COL22A1: variants seen among roughly 807,000 people sequenced by gnomAD.
COL22A1 encodes the protein collagen alpha-1(XXII) chain.
A neutral mutation model predicts 248.9 loss-of-function variants in COL22A1; 221 were observed. The ratio of observed to expected loss-of-function variants is 0.89; its 90% CI spans 0.80 to 0.99. The LOEUF is 0.99. COL22A1 is among the 50% of genes least tolerant of loss of function. COL22A1 has a pLI of 0.00. For missense variants in COL22A1, 2,240 were observed against 2,179.0 expected (o/e 1.03, Z -0.56); for synonymous variants, 891 against 793.4 (o/e 1.12, Z -2.07).
intron 63 of COL22A1, among the ~76,000 whole-genome samples, chr8:138,593,350 G>A (rs556063744): frequency 2.0e-5 from 3 of 151,900 alleles, no homozygotes; most frequent in Non-Finnish European, 2.9e-5. Context: ...AAACCTGCAC[G>A]TTCAGCACAT....
chr8:138,836,428 C>T (rs920036433), intron 4 of COL22A1, among the ~76,000 whole-genome samples: 3 of 152,212 alleles, frequency 2.0e-5, no homozygotes, highest in Non-Finnish European at 4.4e-5. Flanking sequence ...TAGACATTCA[C>T]GTCTTGGAAA....
chr8:138,839,228 G>A (rs1481387563), intron 4 of COL22A1, among the ~76,000 whole-genome samples: 3 of 152,196 alleles, frequency 2.0e-5, no homozygotes, highest in Non-Finnish European at 4.4e-5. Flanking sequence ...CCTCCTATGT[G>A]TTAGATGCTG....
rs1563781196 is a variant in COL22A1, at chr8:138,802,868, TCAC to T, written c.1557+1_1557+3del. ...GCCATGTAGAGGAGCAGCCATCTAC[TCAC>T]CACATCACCTTTCTCTCCCTTAGGT... On this transcript the variant is annotated splice_donor_variant and splice_donor_region_variant and intron_variant, in intron 11 of 64. Coordinates refer to ENST00000303045, the MANE Select transcript of COL22A1 (RefSeq NM_152888.3). LOFTEE classifies it high-confidence loss of function. 7 of 1,612,548 alleles carry T rather than the reference TCAC, an allele frequency of 4.3e-6. No individual in the cohort carries two copies. Among genetic ancestry groups the T allele is most frequent in the Non-Finnish European group, 5.9e-6 (7 of 1,178,606 alleles).
chr8:138,790,225 T>C (rs1290282639), intron 12 of COL22A1, among the ~76,000 whole-genome samples: 1 of 152,236 alleles, frequency 6.6e-6, no homozygotes, highest in African/African-American at 2.4e-5. Flanking sequence ...TAGATGGCTG[T>C]CTTTTCACGG....
intron 4 of COL22A1, among the ~76,000 whole-genome samples, chr8:138,839,844 G>T (rs1820742425): frequency 6.6e-6 from 1 of 152,178 alleles, no homozygotes; most frequent in African/African-American, 2.4e-5. Flanking sequence ...GCTTTTATTG[G>T]CTAGAATTTG....
chr8:138,639,831 A>AAGCC (rs1442372015), intron 47 of COL22A1, among the ~76,000 whole-genome samples: 2 of 152,224 alleles, frequency 1.3e-5, no homozygotes, highest in Non-Finnish European at 2.9e-5. Context: ...GAAACAGTAG[A>AAGCC]AGCCCAACTT....
intron 48 of COL22A1, among the ~76,000 whole-genome samples, chr8:138,635,342 G>A (rs775181746): frequency 5.9e-5 from 9 of 152,140 alleles, no homozygotes; most frequent in Non-Finnish European, 1.2e-4. Flanking sequence ...GAAAACAAGA[G>A]GGGCCATAAT....
chr8:138,630,555 C>T (rs4634647), intron 50 of COL22A1, 140 bp downstream of exon 50: 10 of 724,174 alleles, frequency 1.4e-5, no homozygotes, highest in South Asian at 4.9e-5. Flanking sequence ...AGTTTCATTG[C>T]AAGACTTGTA....
intron 56 of COL22A1, among the ~76,000 whole-genome samples, chr8:138,613,124 T>C (rs1819021278): frequency 1.3e-5 from 2 of 151,832 alleles, no homozygotes; most frequent in South Asian, 4.2e-4. Flanking sequence ...GGTGGGCACC[T>C]GTAGTCCCAG....
At chr8:138,884,072 C>T (rs772599167) in intron 1 of COL22A1, among the ~76,000 whole-genome samples, 24 of 152,126 alleles carry the variant, frequency 1.6e-4, no homozygotes, top group Non-Finnish European at 3.1e-4. Flanking sequence ...CCTCCCTTTG[C>T]CCCCCTGGGA....
At chr8:138,697,535 G>C (rs1459367361) in intron 32 of COL22A1, among the ~76,000 whole-genome samples, 1 of 152,114 alleles carries the variant, frequency 6.6e-6, no homozygotes, top group Non-Finnish European at 1.5e-5. Context: ...CCATCAAACA[G>C]CCTGCTCTGT....
Position 138,881,843 on chromosome 8 carries a change from G to A in COL22A1, c.91+1239C>T, listed in dbSNP as rs181159767. ...GACCCCAGTGTGCAGGCTCTATGCCGGGGTTGTGGACCCTGACCCCTCCTT... is the reference window on the plus strand; with the variant it reads ...GACCCCAGTGTGCAGGCTCTATGCCAGGGTTGTGGACCCTGACCCCTCCTT... On this transcript the variant is annotated intron_variant, in intron 2 of 64. Coordinates refer to ENST00000303045, the MANE Select transcript of COL22A1 (RefSeq NM_152888.3). Among the ~76,000 whole-genome samples, 34 of 152,232 alleles carry A rather than the reference G, an allele frequency of 2.2e-4. No homozygotes were observed. The East Asian group carries it at 5.8e-3, about 26-fold the overall frequency.
At chr8:138,822,949 T>C (rs1377594128) in intron 6 of COL22A1, among the ~76,000 whole-genome samples, 1 of 152,212 alleles carries the variant, frequency 6.6e-6, no homozygotes, top group East Asian at 1.9e-4. Context: ...GCATTTCTTG[T>C]TGGTTTCCTT....
intron 22 of COL22A1, among the ~76,000 whole-genome samples, chr8:138,742,592 G>A (rs1014346725): frequency 3.3e-5 from 5 of 151,864 alleles, no homozygotes; most frequent in Admixed American, 6.5e-5. Flanking sequence ...GGAGTTGATG[G>A]TGATGGTGAT....
chr8:138,845,191 G>A (rs1170195954), intron 3 of COL22A1, among the ~76,000 whole-genome samples: 4 of 152,044 alleles, frequency 2.6e-5, no homozygotes. Context: ...ACATAAATAT[G>A]TTAAAGTCTT....
chr8:138,680,232 G>C (rs1157322459), intron 39 of COL22A1, among the ~76,000 whole-genome samples: 2 of 152,170 alleles, frequency 1.3e-5, no homozygotes, highest in Admixed American at 1.3e-4. Flanking sequence ...GGAAGTGTGG[G>C]GGTTGTAGAC....
chr8:138,746,772 C>A (rs2076247813), intron 22 of COL22A1, among the ~76,000 whole-genome samples: 1 of 152,220 alleles, frequency 6.6e-6, no homozygotes, highest in Non-Finnish European at 1.5e-5. Context: ...TCTGTCCTTA[C>A]CTCAGCATGC....
At chr8:138,779,878 G>C (rs552033380) in intron 13 of COL22A1, among the ~76,000 whole-genome samples, 1 of 152,210 alleles carries the variant, frequency 6.6e-6, no homozygotes, top group East Asian at 1.9e-4. Context: ...TGATCCTTCT[G>C]CCTCAGCTTC....
At chr8:138,893,106 G>A (rs969346094) in intron 1 of COL22A1, among the ~76,000 whole-genome samples, 27 of 152,170 alleles carry the variant, frequency 1.8e-4, no homozygotes, top group African/African-American at 6.5e-4. Flanking sequence ...GTCTTAAGAG[G>A]GCTGCCTTGG....
Sources: allele counts gnomAD v4.1 joint callset (sites outside exome capture counted in the v4.1 genomes callset), GRCh38; gene constraint gnomAD v4.1.1; transcripts MANE v1.5; gene names NCBI Gene and HGNC (gene_info 2026-07-23, HGNC 2026-07-21).